SIMC1: variants seen among roughly 807,000 people sequenced by gnomAD.
SIMC1 encodes SUMO interacting motifs containing 1.
In SIMC1, 55 loss-of-function variants were observed where a neutral mutation model predicts 82.3. That is an observed-to-expected ratio of 0.67 (90% CI 0.54 to 0.84). The LOEUF is 0.84. SIMC1 is among the 40% of genes least tolerant of loss of function. The pLI is 0.00. For missense variants in SIMC1, 915 were observed against 1,107.2 expected, an observed-to-expected ratio of 0.83 and a Z score of 2.46; for synonymous variants, 353 against 426.3, an observed-to-expected ratio of 0.83 and a Z score of 2.12.
At chr5:176,312,007 T>C (rs1182825684) in intron 4 of SIMC1, among the ~76,000 whole-genome samples, 4 of 152,206 alleles carry the variant, frequency 2.6e-5, no homozygotes, top group African/African-American at 9.6e-5. Context: ...GGAAATACAC[T>C]TCTTTTAGGA....
intron 1 of SIMC1, among the ~76,000 whole-genome samples, chr5:176,252,734 G>A (rs573663671): frequency 6.6e-6 from 1 of 152,190 alleles, no homozygotes; most frequent in Non-Finnish European, 1.5e-5. Context: ...TTCCCAGATG[G>A]GGTGGCGGCC....
intron 4 of SIMC1, 46 bp from the exon 5 acceptor site, chr5:176,313,645 C>T: frequency 6.2e-7 from 1 of 1,607,142 alleles, no homozygotes. Context: ...GACTGTCATC[C>T]AAGAGACTGA....
chr5:176,338,558 T>C (rs1766001791), intron 9 of SIMC1, among the ~76,000 whole-genome samples: 1 of 152,184 alleles, frequency 6.6e-6, no homozygotes, highest in Non-Finnish European at 1.5e-5. Context: ...ATAATCATAC[T>C]GGATTATGAT....
At chr5:176,244,899 T>G (rs1761387116) in intron 1 of SIMC1, among the ~76,000 whole-genome samples, 1 of 151,976 alleles carries the variant, frequency 6.6e-6, no homozygotes, top group South Asian at 2.1e-4. Flanking sequence ...TTTTATATTT[T>G]TAGTAGAGAC....
chr5:176,272,968 C>T (rs943030894), intron 1 of SIMC1, among the ~76,000 whole-genome samples: 1 of 152,206 alleles, frequency 6.6e-6, no homozygotes, highest in Non-Finnish European at 1.5e-5. Context: ...CACCGCAGCT[C>T]AAGGCCTGCC....
At chr5:176,252,418 TCAGA>T (rs1404805323) in intron 1 of SIMC1, among the ~76,000 whole-genome samples, 1 of 139,938 alleles carries the variant, frequency 7.1e-6, no homozygotes, top group South Asian at 2.3e-4. Flanking sequence ...TCCTCACTTC[TCAGA>T]CAGGGCGGCC....
At chr5:176,251,696 G>A (rs1234185458) in intron 1 of SIMC1, among the ~76,000 whole-genome samples, 2 of 151,642 alleles carry the variant, frequency 1.3e-5, no homozygotes, top group Non-Finnish European at 2.9e-5. Flanking sequence ...GTGAACAAAG[G>A]TCTCTGGTTC....
chr5:176,257,972 G>T (rs1429781419), intron 1 of SIMC1, among the ~76,000 whole-genome samples: 2 of 152,164 alleles, frequency 1.3e-5, no homozygotes, highest in East Asian at 3.8e-4. Flanking sequence ...AGGTAAAATT[G>T]CACCAGTTCA....
At chr5:176,275,812 G>A (rs1196741046) in intron 1 of SIMC1, among the ~76,000 whole-genome samples, 4 of 151,650 alleles carry the variant, frequency 2.6e-5, no homozygotes, top group Non-Finnish European at 4.4e-5. Flanking sequence ...TTGCATCCCA[G>A]GGATGAAGCC....
chr5:176,260,757 T>G (rs1761987183), intron 1 of SIMC1, among the ~76,000 whole-genome samples: 1 of 152,172 alleles, frequency 6.6e-6, no homozygotes, highest in South Asian at 2.1e-4. Flanking sequence ...CTCAGAACAC[T>G]AGGAGTGTAC....
chr5:176,291,187 C>T (rs1181378106), intron 2 of SIMC1, among the ~76,000 whole-genome samples: 1 of 139,858 alleles, frequency 7.2e-6, no homozygotes, highest in African/African-American at 2.7e-5. Flanking sequence ...TTTTTGAGAC[C>T]GAGTCTTGCT....
At chr5:176,281,359 C>T (rs1224660682) in intron 1 of SIMC1, among the ~76,000 whole-genome samples, 1 of 152,164 alleles carries the variant, frequency 6.6e-6, no homozygotes, top group Non-Finnish European at 1.5e-5. Flanking sequence ...TTTTTAACTT[C>T]TTTGCCTTTG....
chr5:176,329,930 T>A (rs2113389603), intron 7 of SIMC1, among the ~76,000 whole-genome samples: 1 of 152,244 alleles, frequency 6.6e-6, no homozygotes, highest in South Asian at 2.1e-4. Flanking sequence ...GAGATAGGAA[T>A]AGATGTAGAT....
Position 176,274,168 on chromosome 5 carries a change from T to C in SIMC1, c.130-15486T>C, listed in dbSNP as rs559663228. Among the ~76,000 whole-genome samples, 10 of 145,100 alleles carry C rather than the reference T, an allele frequency of 6.9e-5. No homozygotes were observed. In the East Asian group the frequency reaches 1.2e-3, roughly 17 times the overall value. On this transcript the variant is annotated intron_variant, in intron 1 of 9. Coordinates refer to ENST00000429602, the MANE Select transcript of SIMC1 (RefSeq NM_001308195.2). ...TCTCCACATCCTCTCCAGCACCTGT[T>C]GTTTCCTGACTTTTTAATGATTGCC...
chr5:176,266,343 G>A (rs1225884211), intron 1 of SIMC1, among the ~76,000 whole-genome samples: 4 of 152,006 alleles, frequency 2.6e-5, no homozygotes, highest in East Asian at 3.8e-4. Flanking sequence ...ATCATACGAA[G>A]GGTGAACTGC....
At chr5:176,321,022 A>G (rs1331765104) in intron 5 of SIMC1, among the ~76,000 whole-genome samples, 1 of 152,004 alleles carries the variant, frequency 6.6e-6, no homozygotes, top group Non-Finnish European at 1.5e-5. Flanking sequence ...CAGCCTGAGC[A>G]ACATAGCCAG....
intron 1 of SIMC1, among the ~76,000 whole-genome samples, chr5:176,286,284 C>T (rs763520846): frequency 4.1e-4 from 63 of 152,266 alleles, no homozygotes; most frequent in Non-Finnish European, 8.7e-4. Flanking sequence ...GGTACCAAAA[C>T]AGAGATATAG....
In SIMC1 at chr5:176,242,232, C is replaced by G. The variant is rs1468895361; in HGVS notation, c.129+3595C>G. Among the ~76,000 whole-genome samples the G allele has an allele frequency of 5.3e-5, 8 of 151,516 alleles. No homozygotes were observed. In the East Asian group the frequency reaches 1.2e-3, roughly 22 times the overall value. On this transcript the variant is annotated intron_variant, in intron 1 of 9. Transcript: ENST00000429602. ...TATTATCACGGTAGTACAGTGTAGTCTATGGTAAATTTTATGCAGTTGTGA... is the reference window on the plus strand; with the variant it reads ...TATTATCACGGTAGTACAGTGTAGTGTATGGTAAATTTTATGCAGTTGTGA...
intron 2 of SIMC1, 31 bp downstream of exon 2, chr5:176,290,986 T>C (rs1763535565): frequency 6.8e-7 from 1 of 1,480,286 alleles, no homozygotes; most frequent in Admixed American, 2.4e-5. Flanking sequence ...AGGGATTAGG[T>C]GTCCTTTCCC....
Sources: gnomAD v4.1 joint callset for allele counts (sites outside exome capture counted in the v4.1 genomes callset) on GRCh38, gnomAD v4.1.1 for gene constraint, MANE v1.5 for transcripts, NCBI Gene and HGNC (gene_info 2026-07-23, HGNC 2026-07-21) for gene names.